TPP2: variants seen among roughly 807,000 people sequenced by gnomAD.
TPP2 encodes the protein tripeptidyl peptidase 2.
In TPP2, 34 loss-of-function variants were observed where a neutral mutation model predicts 155.9. The observed-to-expected ratio is 0.22, with a 90% CI of 0.17 to 0.29. The LOEUF (loss-of-function observed/expected upper bound fraction) is 0.29, where lower values mean the gene tolerates loss of function less well. Among genes scored for constraint, TPP2 ranks in the 10% least tolerant of loss-of-function variants. The pLI, the probability that TPP2 is intolerant of heterozygous loss-of-function variation, is 1.00. For synonymous variants in TPP2, 510 were observed against 529.4 expected (o/e 0.96, Z 0.50); for missense variants, 1,028 against 1,522.3 (o/e 0.68, Z 5.40).
intron 10 of TPP2, 36 bp from the exon 11 acceptor site, chr13:102,633,914 A>G: frequency 6.2e-7 from 1 of 1,612,100 alleles, no homozygotes. Flanking sequence ...TTTAGCTTTC[A>G]CCATCCTAAG....
chr13:102,664,896 T>G lies in TPP2; in HGVS notation c.3342T>G (p.Asp1114Glu). 6.2e-7 allele frequency: 1 copy of G among 1,613,384 alleles called. No homozygotes were observed. Among genetic ancestry groups the G allele is most frequent in the Non-Finnish European group, 8.5e-7 (1 of 1,179,742 alleles). Residue 1114 changes from aspartate to glutamate, a missense_variant, in exon 27 of 30, where the codon GAT (aspartate) becomes GAG (glutamate). Around this residue, in one of 7 missense-constraint regions of TPP2, gnomAD observed 116 missense variants for 117.3 expected, o/e 0.99. Coordinates refer to ENST00000376052, the MANE Select transcript of TPP2 (RefSeq NM_001330588.2). ...ALAVYIAMKT[D>E]PRPDAATIKN... ...CAGTTTATATTGCAATGAAGACTGA[T>G]CCCAGGCCTGATGCAGCTACTATAA...
chr13:102,676,408 GT>G lies in TPP2; in HGVS notation c.3693del (p.Cys1231Ter). On this transcript the variant is annotated frameshift_variant, in exon 29 of 30. Transcript: ENST00000376052. LOFTEE classifies it high-confidence loss of function. The part of the protein sequence containing the change: ...EKPTKENWKN[C>X]IQLMKLLGWT... ...CCAACAAAAGAAAACTGGAAAAATT[GT>G]ATTCAAGTAAGTGATATTTAAAATG... 6.2e-7 allele frequency: 1 copy of G among 1,609,242 alleles called. No individual in the cohort carries two copies. Among genetic ancestry groups the G allele is most frequent in the Non-Finnish European group, 8.5e-7 (1 of 1,176,934 alleles).
At chr13:102,665,338 A>T (rs1884521740) in intron 27 of TPP2, among the ~76,000 whole-genome samples, 1 of 152,244 alleles carries the variant, frequency 6.6e-6, no homozygotes, top group African/African-American at 2.4e-5. Flanking sequence ...GACAAACCTA[A>T]TACGTGGTTT....
intron 5 of TPP2, 49 bp downstream of exon 5, chr13:102,618,895 C>G: frequency 6.4e-7 from 1 of 1,562,902 alleles, no homozygotes; most frequent in South Asian, 1.2e-5. Context: ...GTTTTCTTTT[C>G]TACTCTGAAA....
At chr13:102,597,601 C>T (rs1179075620) in intron 1 of TPP2, among the ~76,000 whole-genome samples, 2 of 152,252 alleles carry the variant, frequency 1.3e-5, no homozygotes, top group African/African-American at 4.8e-5. Flanking sequence ...CCGCCTTCCT[C>T]TGCCTACCCC....
At chr13:102,662,092 A>AT (rs1431390829) in intron 25 of TPP2, among the ~76,000 whole-genome samples, 1 of 152,198 alleles carries the variant, frequency 6.6e-6, no homozygotes, top group Non-Finnish European at 1.5e-5. Flanking sequence ...CATGAATGGG[A>AT]TTAATACATG....
intron 24 of TPP2, among the ~76,000 whole-genome samples, chr13:102,654,271 G>GA (rs1287397375): frequency 6.6e-6 from 1 of 152,056 alleles, no homozygotes; most frequent in East Asian, 1.9e-4. Flanking sequence ...TCCCTGTCCT[G>GA]AAACATCTTG....
intron 29 of TPP2, among the ~76,000 whole-genome samples, chr13:102,677,787 CT>C (rs1406298973): frequency 6.6e-6 from 1 of 152,128 alleles, no homozygotes; most frequent in Non-Finnish European, 1.5e-5. Context: ...TATCTTATTA[CT>C]TGTTTATTCA....
chr13:102,647,937 A>G (rs990303082), intron 21 of TPP2, among the ~76,000 whole-genome samples: 3 of 152,172 alleles, frequency 2.0e-5, no homozygotes, highest in Non-Finnish European at 4.4e-5. Flanking sequence ...GTATAATTTT[A>G]TGTTGACAAA....
At chr13:102,677,361 C>T (rs1420083885) in intron 29 of TPP2, among the ~76,000 whole-genome samples, 1 of 86,324 alleles carries the variant, frequency 1.2e-5, no homozygotes, top group Non-Finnish European at 2.1e-5. Flanking sequence ...ACTTGTCTGC[C>T]CTCCACTCTG....
At chr13:102,622,562 C>T (rs552341358) in intron 5 of TPP2, among the ~76,000 whole-genome samples, 1 of 152,304 alleles carries the variant, frequency 6.6e-6, no homozygotes, top group Admixed American at 6.5e-5. Flanking sequence ...TCTGAACTAT[C>T]CTAAACTGCT....
chr13:102,637,279 A>C (rs779113140), intron 14 of TPP2, 40 bp downstream of exon 14: 1 of 1,556,894 alleles, frequency 6.4e-7, no homozygotes. Flanking sequence ...TCACTCTTTA[A>C]AATGTTTAAA....
intron 2 of TPP2, among the ~76,000 whole-genome samples, chr13:102,610,234 CATTT>C (rs917713187): frequency 6.6e-5 from 10 of 151,354 alleles, no homozygotes; most frequent in Non-Finnish European, 1.5e-5. Context: ...TTTATTTATT[CATTT>C]ATTTATTTAT....
intron 25 of TPP2, among the ~76,000 whole-genome samples, chr13:102,660,652 C>T (rs879324952): frequency 6.6e-6 from 1 of 152,046 alleles, no homozygotes; most frequent in Non-Finnish European, 1.5e-5. Flanking sequence ...TATGTGATTC[C>T]CTGAGACTCA....
At chr13:102,603,009 A>G (rs1879550933) in intron 1 of TPP2, among the ~76,000 whole-genome samples, 1 of 152,092 alleles carries the variant, frequency 6.6e-6, no homozygotes, top group South Asian at 2.1e-4. Context: ...GAATGCAACA[A>G]ATTCCCTTTG....
chr13:102,629,978 A>G (rs1206927882), intron 9 of TPP2, 118 bp from the exon 10 acceptor site: 18 of 739,592 alleles, frequency 2.4e-5, no homozygotes, highest in African/African-American at 7.2e-5. Flanking sequence ...TTATTCTTCC[A>G]TCGTATTAGA....
At chr13:102,608,292 AT>A (rs1314485163) in intron 2 of TPP2, among the ~76,000 whole-genome samples, 2 of 151,484 alleles carry the variant, frequency 1.3e-5, no homozygotes, top group African/African-American at 4.8e-5. Context: ...TTATTTCTTG[AT>A]TTTTTTTTCT....
In TPP2 at chr13:102,644,585, C is replaced by T; in HGVS notation, c.2204C>T (p.Ala735Val). ...GGAAAAGCAATTGAATTTTGCATTGCTCGTTGGTGGGCAAGTCTCAGTGAT... is the reference window on the plus strand; with the variant it reads ...GGAAAAGCAATTGAATTTTGCATTGTTCGTTGGTGGGCAAGTCTCAGTGAT... Reference protein sequence around the residue: ...LGGKAIEFCIARWWASLSDVN... With the variant: ...LGGKAIEFCIVRWWASLSDVN... Residue 735 changes from alanine (A) to valine (V), a missense_variant, in exon 18 of 30, where the codon GCT (alanine) becomes GTT (valine). Physicochemically the swap from Ala to Val is moderately conservative, Grantham distance 64 (BLOSUM62 0). Coordinates refer to ENST00000376052, the MANE Select transcript of TPP2 (RefSeq NM_001330588.2). 1 of 1,611,052 alleles carries T rather than the reference C, an allele frequency of 6.2e-7. No homozygotes were observed. Among genetic ancestry groups the T allele is most frequent in the Non-Finnish European group, 8.5e-7 (1 of 1,178,518 alleles).
intron 2 of TPP2, among the ~76,000 whole-genome samples, chr13:102,610,273 G>T (rs952819677): frequency 6.6e-6 from 1 of 151,886 alleles, no homozygotes; most frequent in Non-Finnish European, 1.5e-5. Context: ...CTGTCGTCCA[G>T]GCTGGAGTGC....
Sources: allele counts gnomAD v4.1 joint callset (sites outside exome capture counted in the v4.1 genomes callset), GRCh38; gene constraint gnomAD v4.1.1; regional missense constraint gnomAD v4.1.1; transcripts MANE v1.5; gene names NCBI Gene and HGNC (gene_info 2026-07-23, HGNC 2026-07-21).